The following LRRC4C variants were observed in gnomAD, a reference collection of about 807,000 sequenced individuals.
The protein encoded by LRRC4C is leucine rich repeat containing 4C.
Under a neutral mutation model 33.6 loss-of-function variants are expected in LRRC4C, and 5 were observed. The observed-to-expected ratio is 0.15, with a 90% CI of 0.08 to 0.31. LRRC4C has a LOEUF of 0.31. Ranked by LOEUF, LRRC4C falls within the 10% of genes least tolerant of loss-of-function variation. The pLI is 1.00. For synonymous variants in LRRC4C, 329 were observed against 302.0 expected (o/e 1.09, Z -0.93); for missense variants, 560 against 796.7 (o/e 0.70, Z 3.58).
In LRRC4C at chr11:40,681,226, C is replaced by T. The variant is rs1208706890; in HGVS notation, c.-406-32948G>A. On this transcript the variant is annotated intron_variant, in intron 2 of 6. Transcript: ENST00000528697. Reference sequence around the variant, plus strand: ...AAAATAGACACTGGTCTCATCAGAACAGGCATTATTCAAAACAACCAGTAC... The same window carrying T: ...AAAATAGACACTGGTCTCATCAGAATAGGCATTATTCAAAACAACCAGTAC... Among the ~76,000 whole-genome samples the T allele has an allele frequency of 2.0e-5, 3 of 152,106 alleles. No homozygotes were observed. In the East Asian group the frequency reaches 5.8e-4, roughly 29 times the overall value.
intron 2 of LRRC4C, among the ~76,000 whole-genome samples, chr11:40,781,709 G>A (rs979063894): frequency 5.3e-5 from 8 of 152,006 alleles, no homozygotes; most frequent in Non-Finnish European, 7.4e-5. Flanking sequence ...TTGTCTCTTA[G>A]GGTCTTCCCC....
intron 3 of LRRC4C, among the ~76,000 whole-genome samples, chr11:40,465,201 C>T (rs1423555936): frequency 6.6e-6 from 1 of 151,920 alleles, no homozygotes; most frequent in Non-Finnish European, 1.5e-5. Context: ...CAAAAACATA[C>T]TCTCAAGAAA....
At chr11:40,406,701 C>A (rs1389095340) in intron 3 of LRRC4C, among the ~76,000 whole-genome samples, 1 of 152,058 alleles carries the variant, frequency 6.6e-6, no homozygotes, top group African/African-American at 2.4e-5. Context: ...CACAATACAA[C>A]AATTTTTTTT....
chr11:41,174,969 A>G (rs1415270391), intron 1 of LRRC4C, among the ~76,000 whole-genome samples: 2 of 150,588 alleles, frequency 1.3e-5, no homozygotes, highest in Non-Finnish European at 1.5e-5. Context: ...CCTTTAATTA[A>G]TTAAATTAAT....
chr11:41,119,641 T>C lies in LRRC4C; in HGVS notation c.-495-185918A>G, dbSNP rs566556109. Among the ~76,000 whole-genome samples the C allele has an allele frequency of 4.2e-4, 64 of 152,284 alleles. 3 individuals are homozygous for C. In the South Asian group the frequency reaches 0.013, roughly 31 times the overall value. ...GTTCAAGGTTAAGGGACCTTGCCAA[T>C]GAAAGTTAGAAGAGTAATGAACTAA... On this transcript the variant is annotated intron_variant, in intron 1 of 6. Coordinates refer to ENST00000528697, the MANE Select transcript of LRRC4C (RefSeq NM_001258419.2).
chr11:40,330,636 G>A (rs1257443339), intron 3 of LRRC4C, among the ~76,000 whole-genome samples: 2 of 152,100 alleles, frequency 1.3e-5, no homozygotes, highest in Non-Finnish European at 2.9e-5. Context: ...TCACAGGGTG[G>A]CAGGAGACAG....
chr11:40,811,921 A>T (rs974199316), intron 2 of LRRC4C, among the ~76,000 whole-genome samples: 1 of 152,190 alleles, frequency 6.6e-6, no homozygotes, highest in Non-Finnish European at 1.5e-5. Flanking sequence ...CTCTGCCAGG[A>T]TGCCAAGAAG....
At chr11:41,448,304 C>CTTTT (rs35728528) in intron 1 of LRRC4C, among the ~76,000 whole-genome samples, 4 of 104,944 alleles carry the variant, frequency 3.8e-5, no homozygotes, top group African/African-American at 1.0e-4. Context: ...TTACATAGAG[C>CTTTT]TTTTTTTTTT....
At chr11:40,644,629 G>A (rs2136108521) in intron 3 of LRRC4C, among the ~76,000 whole-genome samples, 2 of 152,298 alleles carry the variant, frequency 1.3e-5, no homozygotes, top group East Asian at 1.9e-4. Flanking sequence ...AATCTTCAGA[G>A]AATTATACTG....
chr11:41,367,382 G>T (rs942065138), intron 1 of LRRC4C, among the ~76,000 whole-genome samples: 4 of 152,060 alleles, frequency 2.6e-5, no homozygotes, highest in Admixed American at 2.6e-4. Context: ...AGAATCTTGG[G>T]CAAGGCAGAT....
At chr11:40,955,412 T>C (rs907684720) in intron 1 of LRRC4C, among the ~76,000 whole-genome samples, 1 of 151,842 alleles carries the variant, frequency 6.6e-6, no homozygotes, top group Non-Finnish European at 1.5e-5. Flanking sequence ...CTGTGACTTA[T>C]TTGTTTTCTT....
chr11:40,866,863 T>C (rs1324606438), intron 2 of LRRC4C, among the ~76,000 whole-genome samples: 1 of 152,172 alleles, frequency 6.6e-6, no homozygotes, highest in Admixed American at 6.6e-5. Flanking sequence ...CTCCATCCTG[T>C]AGCCTCACAG....
chr11:40,773,827 T>C (rs1252345118), intron 2 of LRRC4C, among the ~76,000 whole-genome samples: 1 of 152,100 alleles, frequency 6.6e-6, no homozygotes, highest in Non-Finnish European at 1.5e-5. Context: ...TTCAATTAAT[T>C]AATTGAAAAA....
intron 1 of LRRC4C, among the ~76,000 whole-genome samples, chr11:41,390,454 C>T (rs1953546146): frequency 6.6e-6 from 1 of 151,788 alleles, no homozygotes; most frequent in African/African-American, 2.4e-5. Context: ...CTGTCACTAC[C>T]CTGCCCTTAG....
chr11:40,341,271 G>A (rs1443085171), intron 3 of LRRC4C, among the ~76,000 whole-genome samples: 5 of 152,116 alleles, frequency 3.3e-5, no homozygotes. Context: ...TTTTATGGCT[G>A]CATAGTATTC....
At chr11:40,474,209 G>T (rs1168336964) in intron 3 of LRRC4C, among the ~76,000 whole-genome samples, 4 of 152,024 alleles carry the variant, frequency 2.6e-5, no homozygotes, top group Non-Finnish European at 5.9e-5. Flanking sequence ...AACCAAAACA[G>T]CATGGTACTG....
At chr11:41,285,444 T>G (rs1267746562) in intron 1 of LRRC4C, among the ~76,000 whole-genome samples, 2 of 152,256 alleles carry the variant, frequency 1.3e-5, no homozygotes, top group Non-Finnish European at 2.9e-5. Context: ...ATTAAAAATT[T>G]GAGATATTAA....
At chr11:41,006,886 T>C (rs1227710360) in intron 1 of LRRC4C, among the ~76,000 whole-genome samples, 1 of 152,138 alleles carries the variant, frequency 6.6e-6, no homozygotes, top group African/African-American at 2.4e-5. Context: ...TATTCATAGA[T>C]TTCTTCTTAA....
chr11:41,257,285 G>A (rs770425394), intron 1 of LRRC4C, among the ~76,000 whole-genome samples: 3 of 151,972 alleles, frequency 2.0e-5, no homozygotes, highest in Non-Finnish European at 4.4e-5. Context: ...AAATGTGAAA[G>A]ACAAGAAATA....
Sources: allele counts gnomAD v4.1 joint callset (sites outside exome capture counted in the v4.1 genomes callset), GRCh38; gene constraint gnomAD v4.1.1; transcripts MANE v1.5; gene names NCBI Gene and HGNC (gene_info 2026-07-23, HGNC 2026-07-21).